The following NALF1 variants were observed in gnomAD, a reference collection of about 807,000 sequenced individuals.
NALF1 encodes NALCN channel auxiliary factor 1.
Under a neutral mutation model 48.4 loss-of-function variants are expected in NALF1, and 3 were observed. The ratio of observed to expected loss-of-function variants is 0.06; its 90% CI spans 0.03 to 0.16. The LOEUF is 0.16. Among genes scored for constraint, NALF1 ranks in the 10% least tolerant of loss-of-function variants. The pLI, the probability that NALF1 is intolerant of heterozygous loss-of-function variation, is 1.00. For synonymous variants in NALF1, 262 were observed against 245.7 expected (o/e 1.07, Z -0.62); for missense variants, 526 against 571.5 (o/e 0.92, Z 0.81).
chr13:107,687,138 T>C (rs1303811860), intron 1 of NALF1, among the ~76,000 whole-genome samples: 1 of 152,178 alleles, frequency 6.6e-6, no homozygotes, highest in Non-Finnish European at 1.5e-5. Flanking sequence ...TGAAATTATG[T>C]CCTTTGCAGG....
intron 1 of NALF1, among the ~76,000 whole-genome samples, chr13:107,573,524 C>T (rs757805220): frequency 3.3e-5 from 5 of 152,084 alleles, no homozygotes; most frequent in Admixed American, 3.3e-4. Context: ...GATATGGAAA[C>T]GTAGCTAATT....
At chr13:107,181,326 CACTT>C (rs1048107515) in intron 2 of NALF1, among the ~76,000 whole-genome samples, 7 of 151,340 alleles carry the variant, frequency 4.6e-5, no homozygotes, top group Admixed American at 3.3e-4. Flanking sequence ...AAAAATAAAA[CACTT>C]ACTGCTCTAA....
rs117868968 is a variant in NALF1 at position 107,523,768 on chromosome 13, G to A, written c.916-313013C>T. The stretch of plus-strand genomic sequence containing the variant: ...TAAGATAAAAATAACAAATTATTTT[G>A]GTTTGAATTTTATCCCTAAAATGAG... On this transcript the variant is annotated intron_variant, in intron 1 of 2. Transcript: ENST00000375915. Among the ~76,000 whole-genome samples the A allele has an allele frequency of 7.0e-3, 1,066 of 151,842 alleles. 41 individuals are homozygous for A. In the East Asian group the frequency reaches 0.1, roughly 15 times the overall value.
At chr13:107,568,793 T>C (rs1877893504) in intron 1 of NALF1, among the ~76,000 whole-genome samples, 3 of 152,222 alleles carry the variant, frequency 2.0e-5, no homozygotes, top group Admixed American at 1.3e-4. Flanking sequence ...AACTGGATTT[T>C]TTGAATGTTG....
At chr13:107,564,049 T>G (rs1039940807) in intron 1 of NALF1, among the ~76,000 whole-genome samples, 6 of 152,186 alleles carry the variant, frequency 3.9e-5, no homozygotes, top group Admixed American at 6.5e-5. Flanking sequence ...TTCCAAACTT[T>G]CATGGTTCTT....
intron 1 of NALF1, among the ~76,000 whole-genome samples, chr13:107,695,142 G>A (rs1881670464): frequency 6.6e-6 from 1 of 152,048 alleles, no homozygotes; most frequent in Admixed American, 6.6e-5. Context: ...CTTGAACGTT[G>A]AGGAAGTTCC....
At chr13:107,455,278 T>C (rs979404218) in intron 1 of NALF1, among the ~76,000 whole-genome samples, 1 of 152,176 alleles carries the variant, frequency 6.6e-6, no homozygotes, top group Non-Finnish European at 1.5e-5. Flanking sequence ...GTTTTCTTTA[T>C]AGCAGTGTAA....
intron 1 of NALF1, among the ~76,000 whole-genome samples, chr13:107,507,624 G>C (rs1004790184): frequency 1.5e-5 from 2 of 132,634 alleles, no homozygotes; most frequent in African/African-American, 2.9e-5. Flanking sequence ...AAAAAAAAAG[G>C]GGCAAACACA....
intron 1 of NALF1, among the ~76,000 whole-genome samples, chr13:107,268,073 G>T (rs150218683): frequency 3.6e-5 from 5 of 138,612 alleles, no homozygotes; most frequent in Admixed American, 2.5e-4. Context: ...TGCAACCTCC[G>T]CTTCCCAGGT....
intron 1 of NALF1, among the ~76,000 whole-genome samples, chr13:107,289,283 T>A (rs1186521412): frequency 1.3e-5 from 2 of 152,214 alleles, no homozygotes; most frequent in African/African-American, 4.8e-5. Flanking sequence ...GTTGTATATT[T>A]ACACATGCCT....
At chr13:107,711,448 G>A (rs759235296) in intron 1 of NALF1, among the ~76,000 whole-genome samples, 7 of 152,262 alleles carry the variant, frequency 4.6e-5, no homozygotes, top group Admixed American at 1.3e-4. Flanking sequence ...CAATTCTCCC[G>A]TCTCAGCCTC....
intron 1 of NALF1, among the ~76,000 whole-genome samples, chr13:107,336,634 C>T (rs1019039784): frequency 6.6e-6 from 1 of 152,112 alleles, no homozygotes; most frequent in Non-Finnish European, 1.5e-5. Flanking sequence ...CCTCCACTTC[C>T]TCCGTGGTAT....
rs1159676198 is a variant in NALF1, at chr13:107,539,780, G to A, written c.915+325902C>T. Among the ~76,000 whole-genome samples the A allele has an allele frequency of 5.9e-5, 9 of 152,142 alleles. No homozygotes were observed. In the South Asian group the frequency reaches 1.9e-3, roughly 32 times the overall value. ...TATGACTTATATGTTTACACTTGCA[G>A]TGGTTATGACTTTGTGTCTAAATCA... On this transcript the variant is annotated intron_variant, in intron 1 of 2. Transcript: ENST00000375915.
chr13:107,280,266 G>A (rs1056435892), intron 1 of NALF1, among the ~76,000 whole-genome samples: 7 of 152,046 alleles, frequency 4.6e-5, no homozygotes, highest in Non-Finnish European at 7.3e-5. Flanking sequence ...TTCTTTCCAC[G>A]AAAATAATTT....
intron 1 of NALF1, among the ~76,000 whole-genome samples, chr13:107,736,126 AGAT>A (rs1483914533): frequency 2.0e-5 from 3 of 152,120 alleles, no homozygotes; most frequent in Admixed American, 6.6e-5. Flanking sequence ...AACAAAACAA[AGAT>A]GATATTTTCA....
At chr13:107,605,590 G>A (rs1176321558) in intron 1 of NALF1, among the ~76,000 whole-genome samples, 1 of 152,114 alleles carries the variant, frequency 6.6e-6, no homozygotes, top group Non-Finnish European at 1.5e-5. Flanking sequence ...AAAGAAAGCA[G>A]AACTTTATTC....
At chr13:107,766,051 C>T (rs1877411229) in intron 1 of NALF1, among the ~76,000 whole-genome samples, 1 of 152,078 alleles carries the variant, frequency 6.6e-6, no homozygotes, top group South Asian at 2.1e-4. Flanking sequence ...AGAAAATCAT[C>T]TATAATAGGT....
At chr13:107,287,367 G>A (rs1881515948) in intron 1 of NALF1, among the ~76,000 whole-genome samples, 2 of 152,114 alleles carry the variant, frequency 1.3e-5, no homozygotes, top group African/African-American at 4.8e-5. Context: ...TCTAGTTCAG[G>A]TATTTCCCAT....
At chr13:107,363,330 A>C (rs1251969366) in intron 1 of NALF1, among the ~76,000 whole-genome samples, 2 of 152,204 alleles carry the variant, frequency 1.3e-5, no homozygotes, top group African/African-American at 4.8e-5. Flanking sequence ...GTGATGGCTC[A>C]TTCCTATAAT....
Sources: allele counts gnomAD v4.1 joint callset (sites outside exome capture counted in the v4.1 genomes callset), GRCh38; gene constraint gnomAD v4.1.1; transcripts MANE v1.5; gene names NCBI Gene and HGNC (gene_info 2026-07-23, HGNC 2026-07-21).